PPP2R2B: variants seen among roughly 807,000 people sequenced by gnomAD.
The protein encoded by PPP2R2B is serine/threonine-protein phosphatase 2A 55 kDa regulatory subunit B beta isoform.
In PPP2R2B, 5 loss-of-function variants were observed where a neutral mutation model predicts 46.0. That is an observed-to-expected ratio of 0.11 (90% CI 0.06 to 0.23). The LOEUF (loss-of-function observed/expected upper bound fraction) is 0.23, where lower values mean the gene tolerates loss of function less well. Ranked by LOEUF, PPP2R2B falls within the 10% of genes least tolerant of loss-of-function variation. The pLI, the probability that PPP2R2B is intolerant of heterozygous loss-of-function variation, is 1.00. For synonymous variants in PPP2R2B, 215 were observed against 206.7 expected (o/e 1.04, Z -0.34); for missense variants, 367 against 575.0 (o/e 0.64, Z 3.70).
intron 6 of PPP2R2B, among the ~76,000 whole-genome samples, chr5:146,645,811 G>A (rs932056661): frequency 1.3e-5 from 2 of 152,152 alleles, no homozygotes; most frequent in African/African-American, 4.8e-5. Context: ...GAAAGGTGAG[G>A]CTTCTGCTAC....
intron 7 of PPP2R2B, among the ~76,000 whole-genome samples, chr5:146,620,409 GCA>G (rs1234782650): frequency 9.2e-5 from 14 of 152,304 alleles, no homozygotes; most frequent in African/African-American, 3.4e-4. Flanking sequence ...AGGCCTCTGA[GCA>G]CATTCTCTCC....
chr5:146,888,325 C>T (rs1762393006), intron 1 of PPP2R2B, among the ~76,000 whole-genome samples: 1 of 152,126 alleles, frequency 6.6e-6, no homozygotes. Context: ...CCCTGCCCCA[C>T]CCTCCTGTTC....
intron 1 of PPP2R2B, among the ~76,000 whole-genome samples, chr5:147,027,211 G>A (rs528090363): frequency 1.3e-5 from 2 of 152,270 alleles, no homozygotes; most frequent in South Asian, 4.1e-4. Context: ...TTTATATCAA[G>A]TTCTACAAGG....
intron 2 of PPP2R2B, among the ~76,000 whole-genome samples, chr5:146,780,989 C>G (rs1755475163): frequency 6.6e-6 from 1 of 151,366 alleles, no homozygotes; most frequent in African/African-American, 2.4e-5. Context: ...CCACTTTATT[C>G]CAATTCTCAT....
At chr5:146,965,148 T>G (rs1582510704) in intron 1 of PPP2R2B, among the ~76,000 whole-genome samples, 1 of 152,196 alleles carries the variant, frequency 6.6e-6, no homozygotes, top group South Asian at 2.1e-4. Context: ...GTTAGTTTGA[T>G]GGCAGAATCA....
At chr5:146,856,482 A>G in intron 2 of PPP2R2B, 2 of 1,539,714 alleles carry the variant, frequency 1.3e-6, no homozygotes, top group Non-Finnish European at 1.8e-6. Context: ...AGTAGGTATA[A>G]ATAATAATAC....
intron 1 of PPP2R2B, among the ~76,000 whole-genome samples, chr5:146,889,239 C>A (rs1195699215): frequency 6.6e-6 from 1 of 152,086 alleles, no homozygotes; most frequent in Non-Finnish European, 1.5e-5. Flanking sequence ...CTGGGTTTTG[C>A]CCTAGGCTTC....
intron 1 of PPP2R2B, among the ~76,000 whole-genome samples, chr5:146,930,357 G>A (rs184050231): frequency 1.4e-4 from 21 of 152,300 alleles, no homozygotes; most frequent in African/African-American, 3.6e-4. Context: ...CTGGTCATGT[G>A]GAGTGCTGGA....
At chr5:146,806,346 C>A (rs2151311948) in intron 2 of PPP2R2B, among the ~76,000 whole-genome samples, 1 of 152,214 alleles carries the variant, frequency 6.6e-6, no homozygotes, top group East Asian at 1.9e-4. Context: ...TCCACCTTTC[C>A]TAATAAGAGC....
At chr5:146,706,591 T>A (rs1374605386) in intron 2 of PPP2R2B, 4 of 840,670 alleles carry the variant, frequency 4.8e-6, no homozygotes, top group Non-Finnish European at 8.0e-6. Context: ...GCATCCTTAA[T>A]GACCAGCTCC....
intron 5 of PPP2R2B, among the ~76,000 whole-genome samples, chr5:146,676,084 A>G (rs1777691923): frequency 6.6e-6 from 1 of 152,068 alleles, no homozygotes; most frequent in African/African-American, 2.4e-5. Context: ...CCTGACATGT[A>G]TTGAAACAAT....
intron 9 of PPP2R2B, chr5:146,592,171 C>T: frequency 2.3e-6 from 1 of 442,354 alleles, no homozygotes; most frequent in Non-Finnish European, 4.5e-6. Flanking sequence ...GGGTCCTTTG[C>T]CACGTGGAGA....
intron 1 of PPP2R2B, among the ~76,000 whole-genome samples, chr5:147,027,738 T>C (rs79930981): frequency 0.014 from 2,173 of 152,210 alleles, 32 homozygotes; most frequent in Non-Finnish European, 0.024. Flanking sequence ...ATCTTCACTG[T>C]GGTGATGATC....
intron 1 of PPP2R2B, among the ~76,000 whole-genome samples, chr5:146,994,428 C>G (rs1239357841): frequency 2.0e-5 from 3 of 151,954 alleles, no homozygotes; most frequent in Non-Finnish European, 2.9e-5. Flanking sequence ...TCATGAGAGA[C>G]GATCCCAGGA....
chr5:146,838,112 G>A (rs573451832), intron 2 of PPP2R2B, among the ~76,000 whole-genome samples: 1 of 152,074 alleles, frequency 6.6e-6, no homozygotes, highest in Non-Finnish European at 1.5e-5. Flanking sequence ...AATGAAAGAA[G>A]AATTTAAAAA....
intron 2 of PPP2R2B, among the ~76,000 whole-genome samples, chr5:146,789,000 G>A (rs1756023112): frequency 6.6e-6 from 1 of 152,158 alleles, no homozygotes; most frequent in Non-Finnish European, 1.5e-5. Flanking sequence ...AAAGGGCTCA[G>A]ATCAGTTGGG....
At chr5:146,670,555 G>C (rs926562364) in intron 5 of PPP2R2B, among the ~76,000 whole-genome samples, 3 of 151,658 alleles carry the variant, frequency 2.0e-5, no homozygotes, top group Non-Finnish European at 4.4e-5. Flanking sequence ...CAGTGCAGTG[G>C]CGCAATGTCG....
intron 8 of PPP2R2B, among the ~76,000 whole-genome samples, chr5:146,599,217 C>T (rs1456480381): frequency 6.6e-6 from 1 of 152,122 alleles, no homozygotes; most frequent in Non-Finnish European, 1.5e-5. Context: ...TGTTTCCTTG[C>T]ATTTACACCA....
chr5:146,783,624 C>A (rs984040278), intron 2 of PPP2R2B, among the ~76,000 whole-genome samples: 21 of 152,072 alleles, frequency 1.4e-4, no homozygotes, highest in African/African-American at 5.1e-4. Flanking sequence ...TAAGACACTC[C>A]TCTAACACAA....
Sources: allele counts gnomAD v4.1 joint callset (sites outside exome capture counted in the v4.1 genomes callset), GRCh38; gene constraint gnomAD v4.1.1; transcripts MANE v1.5; gene names NCBI Gene and HGNC (gene_info 2026-07-23, HGNC 2026-07-21).